LRRC14: variants seen among roughly 807,000 people sequenced by gnomAD.
LRRC14 encodes leucine rich repeat containing 14.
Under a neutral mutation model 25.3 loss-of-function variants are expected in LRRC14, and 16 were observed. The ratio of observed to expected loss-of-function variants is 0.63; its 90% CI spans 0.43 to 0.96. The LOEUF (loss-of-function observed/expected upper bound fraction) is 0.96, where lower values mean the gene tolerates loss of function less well. LRRC14 is among the 40% of genes least tolerant of loss of function. LRRC14 has a pLI of 0.00. For synonymous variants in LRRC14, 359 were observed against 295.1 expected (o/e 1.22, Z -2.22); for missense variants, 594 against 660.5 (o/e 0.90, Z 1.10).
chr8:144,524,810 G>C lies in LRRC14; in HGVS notation c.*3332G>C. 3 of 1,460,660 alleles carry C rather than the reference G, an allele frequency of 2.1e-6. No homozygotes were observed. The highest frequency in any genetic ancestry group is 2.7e-6 in the Non-Finnish European group (3 of 1,107,648). 90.5% of individuals were successfully genotyped at this position (1,460,660 alleles called of 1,614,324 possible). A position where few individuals can be genotyped will look rare whatever the true frequency, so the allele number is the denominator to read the frequency against. On this transcript the variant is annotated 3_prime_UTR_variant, in exon 4 of 4. Transcript: ENST00000292524. Reference sequence around the variant, plus strand: ...CCGTCCTCCCGCAGCTCCACACGGTGCCCACCTGCGTCCCTGGCGGGATTC... The same window carrying C: ...CCGTCCTCCCGCAGCTCCACACGGTCCCCACCTGCGTCCCTGGCGGGATTC...
Position 144,520,067 on chromosome 8 carries a change from C to T in LRRC14, c.329+13C>T. 2 of 1,594,892 alleles carry T rather than the reference C, an allele frequency of 1.3e-6. No individual in the cohort carries two copies. The highest frequency in any genetic ancestry group is 1.7e-6 in the Non-Finnish European group (2 of 1,172,396). On this transcript the variant is annotated intron_variant, in intron 2 of 3. Transcript: ENST00000292524. ...AGCCCCTCTGCAGGTATGGACTTAT[C>T]TGGAGGGTCGTCAGGCCAGGGGTGT... is the stretch of plus-strand genomic sequence containing the variant.
rs1023781409 is a variant in LRRC14, at chr8:144,519,861, G to A, written c.136G>A (p.Val46Ile). Residue 46 changes from valine to isoleucine, a missense_variant, in exon 2 of 4, where the codon GTA becomes ATA. Physicochemically the swap from Val to Ile is conservative, Grantham distance 29. Transcript: ENST00000292524. ...KVAFMDKKTVVLRELVHTWPF... is the reference protein window; with the variant it reads ...KVAFMDKKTVILRELVHTWPF... ...GGCCTTCATGGACAAGAAGACAGTG[G>A]TACTGCGCGAGTTGGTACACACGTG... 2.5e-6 allele frequency: 4 copies of A among 1,613,442 alleles called. No homozygotes were observed. The highest frequency in any genetic ancestry group is 3.4e-6 in the Non-Finnish European group (4 of 1,180,040).
rs1816189205 is a variant in LRRC14 at position 144,523,045 on chromosome 8, G to A, written c.*1567G>A. The A allele has an allele frequency of 6.2e-7, 1 of 1,602,884 alleles. No individual in the cohort carries two copies. The highest frequency in any genetic ancestry group is 8.5e-7 in the Non-Finnish European group (1 of 1,176,558). ...TGAGGAAGAGCATGCCGCTGCCCGT[G>A]TCGGATGCCGAGTGTCCGCCCAGGC... On this transcript the variant is annotated 3_prime_UTR_variant, in exon 4 of 4. Transcript: ENST00000292524.
In LRRC14 at chr8:144,524,659, C is replaced by T; in HGVS notation, c.*3181C>T. The T allele has an allele frequency of 6.7e-7, 1 of 1,495,138 alleles. No individual in the cohort carries two copies. The highest frequency in any genetic ancestry group is 1.3e-5 in the South Asian group (1 of 78,204). The allele number at this position is 1,495,138 out of a possible 1,614,324, so 92.6% of individuals were successfully genotyped here. A position where few individuals can be genotyped will look rare whatever the true frequency, so the allele number is the denominator to read the frequency against. ...TGCAGGTAGAGCCGGCGCAGAGCGG[C>T]GAGTGGCGCCAGGGCTCCCGGCTCT... On this transcript the variant is annotated 3_prime_UTR_variant, in exon 4 of 4. Transcript: ENST00000292524.
Position 144,524,049 on chromosome 8 carries a change from A to G in LRRC14, c.*2571A>G. The stretch of plus-strand genomic sequence containing the variant: ...TGATGTCAGAGCCCCTCCACACATG[A>G]GCCTGCTCCCTACTGCCAACACCGT... On this transcript the variant is annotated 3_prime_UTR_variant, in exon 4 of 4. Coordinates refer to ENST00000292524, the MANE Select transcript of LRRC14 (RefSeq NM_014665.4). The G allele has an allele frequency of 6.4e-7, 1 of 1,559,178 alleles. No individual in the cohort carries two copies. Among genetic ancestry groups the G allele is most frequent in the South Asian group, 1.1e-5 (1 of 87,064 alleles).
Position 144,524,215 on chromosome 8 carries a change from C to T in LRRC14, c.*2737C>T. ...TCCAGCAGTGCTAGGGAGGACAGCC[C>T]CGCTAGAGCCTGGTCCTCCAGCAGC... On this transcript the variant is annotated 3_prime_UTR_variant, in exon 4 of 4. Coordinates refer to ENST00000292524, the MANE Select transcript of LRRC14 (RefSeq NM_014665.4). 1 of 1,612,648 alleles carries T rather than the reference C, an allele frequency of 6.2e-7. No individual in the cohort carries two copies. Among genetic ancestry groups the T allele is most frequent in the Non-Finnish European group, 8.5e-7 (1 of 1,179,920 alleles).
chr8:144,524,785 C>G lies in LRRC14; in HGVS notation c.*3307C>G, dbSNP rs1374096036. Reference sequence around the variant, plus strand: ...GGGTCTTCCTCTCCCTGGGGGCACCCCGTCCTCCCGCAGCTCCACACGGTG... The same window carrying G: ...GGGTCTTCCTCTCCCTGGGGGCACCGCGTCCTCCCGCAGCTCCACACGGTG... On this transcript the variant is annotated 3_prime_UTR_variant, in exon 4 of 4. Coordinates refer to ENST00000292524, the MANE Select transcript of LRRC14 (RefSeq NM_014665.4). 7.0e-7 allele frequency: 1 copy of G among 1,436,200 alleles called. No individual in the cohort carries two copies. The highest frequency in any genetic ancestry group is 2.6e-5 in the East Asian group (1 of 37,926). The allele number at this position is 1,436,200 out of a possible 1,614,324, so 89.0% of individuals were successfully genotyped here.
In LRRC14 at chr8:144,520,956, T is replaced by C. The variant is rs1055898370; in HGVS notation, c.960T>C (p.Ala320=). Residue 320 remains alanine, a synonymous_variant, in exon 4 of 4, where the codon GCT becomes GCC. Coordinates refer to ENST00000292524, the MANE Select transcript of LRRC14 (RefSeq NM_014665.4). ...AGAGCCTGGAGTTGGCCTTCTGTGCTCTGCTGCCTGAGGACCTACGCTTCC... is the reference window on the plus strand; with the variant it reads ...AGAGCCTGGAGTTGGCCTTCTGTGCCCTGCTGCCTGAGGACCTACGCTTCC... ...PLESLELAFC[A]LLPEDLRFLA... 3 of 1,612,992 alleles carry C rather than the reference T, an allele frequency of 1.9e-6. No homozygotes were observed. The highest frequency in any genetic ancestry group is 2.5e-6 in the Non-Finnish European group (3 of 1,180,020).
rs778364336 is a variant in LRRC14, at chr8:144,522,824, G to A, written c.*1346G>A. On this transcript the variant is annotated 3_prime_UTR_variant, in exon 4 of 4. Coordinates refer to ENST00000292524, the MANE Select transcript of LRRC14 (RefSeq NM_014665.4). ...GGCCGTCTGTGTGGCCACGCCCAGG[G>A]CGCGGAAGGCCATGCTGCCCGCCTC... 30 of 1,473,710 alleles carry A rather than the reference G, an allele frequency of 2.0e-5. 1 individual carries two copies. Among genetic ancestry groups the A allele is most frequent in the Non-Finnish European group, 2.7e-5 (30 of 1,115,350 alleles). 91.3% of individuals were successfully genotyped at this position (1,473,710 alleles called of 1,614,324 possible).
In LRRC14 at chr8:144,523,398, G is replaced by A. The variant is rs755239098; in HGVS notation, c.*1920G>A. On this transcript the variant is annotated 3_prime_UTR_variant, in exon 4 of 4. Transcript: ENST00000292524. ...AGCCAGTGCAGGGCGCAGTCACAGC[G>A]CCATGGGTTCTCTGTGGGAGAGCAG... 6.5e-7 allele frequency: 1 copy of A among 1,533,838 alleles called. No homozygotes were observed. The highest frequency in any genetic ancestry group is 1.3e-5 in the South Asian group (1 of 78,562).
chr8:144,523,306 T>G lies in LRRC14; in HGVS notation c.*1828T>G. 1.9e-6 allele frequency: 3 copies of G among 1,610,818 alleles called. No homozygotes were observed. Among genetic ancestry groups the G allele is most frequent in the Non-Finnish European group, 2.5e-6 (3 of 1,179,048 alleles). On this transcript the variant is annotated 3_prime_UTR_variant, in exon 4 of 4. Coordinates refer to ENST00000292524, the MANE Select transcript of LRRC14 (RefSeq NM_014665.4). ...TCTGGAGCGCCAGGCGCGGGGGCTCTGCACACATGATCTTCCTGTCCCTGG... is the reference window on the plus strand; with the variant it reads ...TCTGGAGCGCCAGGCGCGGGGGCTCGGCACACATGATCTTCCTGTCCCTGG...
chr8:144,524,687 G>A lies in LRRC14; in HGVS notation c.*3209G>A. On this transcript the variant is annotated 3_prime_UTR_variant, in exon 4 of 4. Coordinates refer to ENST00000292524, the MANE Select transcript of LRRC14 (RefSeq NM_014665.4). Reference sequence around the variant, plus strand: ...GTGGCGCCAGGGCTCCCGGCTCTAGGCGGGCGATGTTGTTGTCCTGCAGGA... The same window carrying A: ...GTGGCGCCAGGGCTCCCGGCTCTAGACGGGCGATGTTGTTGTCCTGCAGGA... 1 of 1,472,594 alleles carries A rather than the reference G, an allele frequency of 6.8e-7. No homozygotes were observed. The highest frequency in any genetic ancestry group is 8.9e-7 in the Non-Finnish European group (1 of 1,122,744). The allele number at this position is 1,472,594 out of a possible 1,614,324, so 91.2% of individuals were successfully genotyped here.
rs755403925 is a variant in LRRC14 at position 144,521,369 on chromosome 8, C to T, written c.1373C>T (p.Ala458Val). ...GCCTCCATCAATGAGGAGAAGTTTG[C>T]CCGCGTAGAAGCTGAGTTGCACCAG... ...LEASINEEKFARVEAELHQLL... is the reference protein window; with the variant it reads ...LEASINEEKFVRVEAELHQLL... Residue 458 changes from alanine (A) to valine (V), a missense_variant, in exon 4 of 4, where the codon GCC (alanine) becomes GTC (valine). Ala to Val is a moderately conservative substitution (Grantham distance 64). Transcript: ENST00000292524. The T allele has an allele frequency of 1.7e-5, 28 of 1,612,550 alleles. No homozygotes were observed. Among genetic ancestry groups the T allele is most frequent in the African/African-American group, 2.7e-5 (2 of 74,936 alleles).
In LRRC14 at chr8:144,521,156, C is replaced by A; in HGVS notation, c.1160C>A (p.Pro387His). ...GACACCCAGCTGTTGGCCACACTAC[C>A]CATCCTGACTCAGTGCGCCAGTCTC... ...LADTQLLATL[P>H]ILTQCASLRY... is the part of the protein sequence containing the mutation. The change falls in exon 4 of 4, where the codon CCC becomes CAC. Residue 387 changes from proline to histidine, a missense_variant. Coordinates refer to ENST00000292524, the MANE Select transcript of LRRC14 (RefSeq NM_014665.4). 1 of 1,613,146 alleles carries A rather than the reference C, an allele frequency of 6.2e-7. No homozygotes were observed. Among genetic ancestry groups the A allele is most frequent in the Non-Finnish European group, 8.5e-7 (1 of 1,180,042 alleles).
In LRRC14 at chr8:144,522,578, A is replaced by G; in HGVS notation, c.*1100A>G. 1.3e-6 allele frequency: 2 copies of G among 1,557,720 alleles called. No homozygotes were observed. The highest frequency in any genetic ancestry group is 1.7e-6 in the Non-Finnish European group (2 of 1,154,134). ...GGGCGCCTCCGCCGGACCCTCGGCG[A>G]AGAGCGGCTTGGAGCGGTTGATGAC... On this transcript the variant is annotated 3_prime_UTR_variant, in exon 4 of 4. Coordinates refer to ENST00000292524, the MANE Select transcript of LRRC14 (RefSeq NM_014665.4).
At position 144,521,355 on chromosome 8, in the gene LRRC14, TGAG is replaced by T. The variant is rs1396616581; in HGVS notation, c.1363_1365del (p.Glu455del). On this transcript the variant is annotated inframe_deletion, in exon 4 of 4. Coordinates refer to ENST00000292524, the MANE Select transcript of LRRC14 (RefSeq NM_014665.4). ...CTGTCCTGCTGGAGGCCTCCATCAA[TGAG>T]GAGAAGTTTGCCCGCGTAGAAGCTG... 5.6e-6 allele frequency: 9 copies of T among 1,612,866 alleles called. No homozygotes were observed. The highest frequency in any genetic ancestry group is 1.3e-5 in the African/African-American group (1 of 75,034).
rs1432352124 is a variant in LRRC14, at chr8:144,519,756, C to A, written c.31C>A (p.Gln11Lys). 7 of 1,612,554 alleles carry A rather than the reference C, an allele frequency of 4.3e-6. No individual in the cohort carries two copies. Among genetic ancestry groups the A allele is most frequent in the Non-Finnish European group, 5.1e-6 (6 of 1,179,948 alleles). MHTLVFLSTR[Q>K]VLQCQPAACQ... ...CACGCTTGTGTTCTTGAGCACACGG[C>A]AGGTGCTGCAGTGCCAGCCAGCTGC... The change falls in exon 2 of 4, where the codon CAG becomes AAG. Residue 11 changes from glutamine (Q) to lysine (K), a missense_variant. Gln to Lys is a moderately conservative substitution (Grantham distance 53). Transcript: ENST00000292524.
Position 144,520,071 on chromosome 8 carries a change from A to G in LRRC14, c.329+17A>G, listed in dbSNP as rs763604937. The G allele has an allele frequency of 4.4e-6, 7 of 1,592,098 alleles. No homozygotes were observed. The highest frequency in any genetic ancestry group is 5.1e-6 in the Non-Finnish European group (6 of 1,171,550). ...CCTCTGCAGGTATGGACTTATCTGGAGGGTCGTCAGGCCAGGGGTGTGTAA... is the reference window on the plus strand; with the variant it reads ...CCTCTGCAGGTATGGACTTATCTGGGGGGTCGTCAGGCCAGGGGTGTGTAA... On this transcript the variant is annotated intron_variant, in intron 2 of 3. Coordinates refer to ENST00000292524, the MANE Select transcript of LRRC14 (RefSeq NM_014665.4).
Position 144,523,762 on chromosome 8 carries a change from C to T in LRRC14, c.*2284C>T, listed in dbSNP as rs1816230397. On this transcript the variant is annotated 3_prime_UTR_variant, in exon 4 of 4. Coordinates refer to ENST00000292524, the MANE Select transcript of LRRC14 (RefSeq NM_014665.4). ...CCAGCACTGAAACCTCACAAGTCCT[C>T]TCAGCCTTGCCTTTGGATGCCCTCT... The T allele has an allele frequency of 7.2e-6, 3 of 416,380 alleles. No individual in the cohort carries two copies. The East Asian group carries it at 1.2e-4, about 16-fold the overall frequency. The allele number at this position is 416,380 out of a possible 1,614,324, so 25.8% of individuals were successfully genotyped here.
Sources: allele counts gnomAD v4.1 joint callset, GRCh38; gene constraint gnomAD v4.1.1; transcripts MANE v1.5; gene names NCBI Gene and HGNC (gene_info 2026-07-23, HGNC 2026-07-21).